The following CACNA1E variants were observed in gnomAD, a reference collection of about 807,000 sequenced individuals.
The protein encoded by CACNA1E is calcium voltage-gated channel subunit alpha1 E.
A neutral mutation model predicts 259.2 loss-of-function variants in CACNA1E; 40 were observed. That is an observed-to-expected ratio of 0.15 (90% CI 0.12 to 0.20). The LOEUF (loss-of-function observed/expected upper bound fraction) is 0.20. Ranked by LOEUF, CACNA1E falls within the 10% of genes least tolerant of loss-of-function variation. CACNA1E has a pLI of 1.00. For missense variants in CACNA1E, 1,874 were observed against 3,040.1 expected, an observed-to-expected ratio of 0.62 and a Z score of 9.02; for synonymous variants, 1,104 against 1,138.5, an observed-to-expected ratio of 0.97 and a Z score of 0.61.
intron 3 of CACNA1E, among the ~76,000 whole-genome samples, chr1:181,569,390 C>A (rs867328727): frequency 7.9e-5 from 12 of 152,282 alleles, no homozygotes; most frequent in Non-Finnish European, 1.8e-4. Flanking sequence ...TCTTTTACAC[C>A]TTTCCCAGCC....
chr1:181,567,995 A>C (rs935542829), intron 3 of CACNA1E, among the ~76,000 whole-genome samples: 8 of 152,146 alleles, frequency 5.3e-5, no homozygotes, highest in African/African-American at 1.9e-4. Context: ...TGTGATGTAA[A>C]ATACATTGCT....
chr1:181,726,403 TC>T (rs1654911018), intron 18 of CACNA1E, among the ~76,000 whole-genome samples: 1 of 152,126 alleles, frequency 6.6e-6, no homozygotes, highest in Admixed American at 6.5e-5. Flanking sequence ...TGAAACAGGG[TC>T]CTATGGTGGA....
intron 1 of CACNA1E, among the ~76,000 whole-genome samples, chr1:181,379,138 G>A (rs1655293623): frequency 6.6e-6 from 1 of 152,078 alleles, no homozygotes; most frequent in African/African-American, 2.4e-5. Context: ...ATAAACAGAG[G>A]CCAAGTCCAT....
chr1:181,485,300 C>T lies in CACNA1E; in HGVS notation c.266+1290C>T, dbSNP rs1663706340. Among the ~76,000 whole-genome samples, 2 of 152,180 alleles carry T rather than the reference C, an allele frequency of 1.3e-5. No homozygotes were observed. The highest frequency in any genetic ancestry group is 2.1e-4 in the South Asian group (1 of 4,830). On this transcript the variant is annotated intron_variant, in intron 1 of 47. Coordinates refer to ENST00000367573, the MANE Select transcript of CACNA1E (RefSeq NM_001205293.3). This position sits in a 1 kb window ranked among gnomAD's most constrained non-coding sequence, Gnocchi z 4.2. ...AGCCAGACACGCGGCTCATTTCCCC[C>T]AGGGCCTGGGCATCTCCCTACTCCC...
At chr1:181,371,402 C>T (rs552867844) in intron 1 of CACNA1E, among the ~76,000 whole-genome samples, 61 of 152,288 alleles carry the variant, frequency 4.0e-4, no homozygotes, top group African/African-American at 1.4e-3. Flanking sequence ...GCTGGGACTA[C>T]AGGCATGTGC....
chr1:181,560,234 T>TC (rs1649178420), intron 3 of CACNA1E, among the ~76,000 whole-genome samples: 1 of 151,856 alleles, frequency 6.6e-6, no homozygotes, highest in Non-Finnish European at 1.5e-5. Context: ...GCTTTTTTTT[T>TC]TAAGTTTTTT....
intron 1 of CACNA1E, among the ~76,000 whole-genome samples, chr1:181,491,200 T>G (rs1664286419): frequency 6.6e-6 from 1 of 152,210 alleles, no homozygotes; most frequent in African/African-American, 2.4e-5. Context: ...CAGCGACCAT[T>G]CCTTTCAGCA....
chr1:181,594,698 G>A (rs556033417), intron 6 of CACNA1E, among the ~76,000 whole-genome samples: 8 of 152,288 alleles, frequency 5.3e-5, no homozygotes, highest in African/African-American at 1.9e-4. Flanking sequence ...GCACCTGGCT[G>A]CAAGTTTTGT....
intron 5 of CACNA1E, 50 bp from the exon 6 acceptor site, chr1:181,580,545 C>A: frequency 6.4e-7 from 1 of 1,563,184 alleles, no homozygotes; most frequent in Non-Finnish European, 8.8e-7. Flanking sequence ...ATTTCCAGCT[C>A]ATGCGAAACA....
intron 6 of CACNA1E, among the ~76,000 whole-genome samples, chr1:181,608,421 T>G (rs182462054): frequency 1.3e-4 from 20 of 152,284 alleles, no homozygotes; most frequent in African/African-American, 4.8e-4. Context: ...ATTGTCAGGC[T>G]TGGAAGACTG....
At chr1:181,547,777 C>T (rs1369622078) in intron 3 of CACNA1E, among the ~76,000 whole-genome samples, 2 of 152,260 alleles carry the variant, frequency 1.3e-5, no homozygotes, top group East Asian at 1.9e-4. Context: ...AGCTTGTTCT[C>T]ATTCTTATTG....
chr1:181,770,747 T>A (rs939954461), intron 35 of CACNA1E, among the ~76,000 whole-genome samples: 1 of 152,184 alleles, frequency 6.6e-6, no homozygotes, highest in Non-Finnish European at 1.5e-5. Flanking sequence ...TTCTAAGATG[T>A]GACTCAATGG....
chr1:181,362,714 A>G (rs1289607164), intron 1 of CACNA1E, among the ~76,000 whole-genome samples: 1 of 152,230 alleles, frequency 6.6e-6, no homozygotes, highest in Non-Finnish European at 1.5e-5. Flanking sequence ...ACCTCATGTC[A>G]GTAGGAATTA....
At chr1:181,791,099 T>C (rs1369644056) in intron 44 of CACNA1E, among the ~76,000 whole-genome samples, 1 of 152,186 alleles carries the variant, frequency 6.6e-6, no homozygotes, top group Admixed American at 6.5e-5. Context: ...CATTGTCCCT[T>C]TTGGTCACAA....
At chr1:181,385,176 A>G (rs1055434760) in intron 1 of CACNA1E, among the ~76,000 whole-genome samples, 3 of 152,186 alleles carry the variant, frequency 2.0e-5, no homozygotes, top group South Asian at 2.1e-4. Context: ...CCTTTCATCT[A>G]TAAATTCTAG....
intron 25 of CACNA1E, among the ~76,000 whole-genome samples, chr1:181,748,944 C>T (rs1424680294): frequency 6.6e-6 from 1 of 152,098 alleles, no homozygotes; most frequent in East Asian, 1.9e-4. Flanking sequence ...CTACCATATG[C>T]CCTGTCTTAT....
intron 1 of CACNA1E, among the ~76,000 whole-genome samples, chr1:181,345,514 G>A (rs1652522280): frequency 6.6e-6 from 1 of 152,166 alleles, no homozygotes. Context: ...AACTCCCCAG[G>A]GTCTGCTGGC....
At chr1:181,556,439 A>G (rs186478328) in intron 3 of CACNA1E, among the ~76,000 whole-genome samples, 1 of 152,338 alleles carries the variant, frequency 6.6e-6, no homozygotes, top group East Asian at 1.9e-4. Context: ...TCCCTTTACA[A>G]TCACAGTAGC....
chr1:181,718,252 T>A (rs942099929), intron 12 of CACNA1E, 85 bp downstream of exon 12: 4 of 670,468 alleles, frequency 6.0e-6, no homozygotes, highest in African/African-American at 1.8e-5. Flanking sequence ...TTACTCAGCA[T>A]GAGGCACTGA....
Sources: allele counts gnomAD v4.1 joint callset (sites outside exome capture counted in the v4.1 genomes callset), GRCh38; gene constraint gnomAD v4.1.1; non-coding constraint Gnocchi (gnomAD v3.1); transcripts MANE v1.5; gene names NCBI Gene and HGNC (gene_info 2026-07-23, HGNC 2026-07-21).